The following STX8 variants were observed in gnomAD, a reference collection of about 807,000 sequenced individuals.
The protein encoded by STX8 is syntaxin 8, also known as syntaxin-8.
STX8 carries 23 observed loss-of-function variants against 37.5 expected under a neutral mutation model. That is an observed-to-expected ratio of 0.61 (90% CI 0.44 to 0.87). STX8 has a LOEUF of 0.87. Among genes scored for constraint, STX8 ranks in the 40% least tolerant of loss-of-function variants. The probability of loss-of-function intolerance (pLI) is 0.00; values close to 1 mark genes in which losing one functional copy is unlikely to be tolerated. For missense variants in STX8, 313 were observed against 284.7 expected (o/e 1.10, Z -0.71); for synonymous variants, 115 against 99.1 (o/e 1.16, Z -0.95).
intron 6 of STX8, among the ~76,000 whole-genome samples, chr17:9,468,544 CA>C (rs1442927719): frequency 1.3e-5 from 2 of 152,346 alleles, no homozygotes; most frequent in African/African-American, 2.4e-5. Context: ...CCATACCTAA[CA>C]ATTTTCAAAT....
intron 6 of STX8, among the ~76,000 whole-genome samples, chr17:9,404,646 G>T (rs1332240001): frequency 1.3e-5 from 2 of 152,048 alleles, no homozygotes; most frequent in Non-Finnish European, 2.9e-5. Flanking sequence ...GCAGAGATGG[G>T]GTTTCACCAT....
At chr17:9,285,992 T>C (rs1276402119) in intron 7 of STX8, among the ~76,000 whole-genome samples, 2 of 151,994 alleles carry the variant, frequency 1.3e-5, no homozygotes, top group Admixed American at 1.3e-4. Context: ...AATAACTATA[T>C]GGAGCGCTTT....
At chr17:9,501,196 T>C (rs898722121) in intron 5 of STX8, among the ~76,000 whole-genome samples, 7 of 152,168 alleles carry the variant, frequency 4.6e-5, no homozygotes, top group African/African-American at 1.7e-4. Flanking sequence ...AAGCTTTCTT[T>C]TGTAAAATTA....
chr17:9,275,801 G>A (rs1907654690), intron 7 of STX8, among the ~76,000 whole-genome samples: 1 of 151,920 alleles, frequency 6.6e-6, no homozygotes, highest in Non-Finnish European at 1.5e-5. Flanking sequence ...CCGGGAAGCA[G>A]AGGATGTAGT....
chr17:9,510,330 C>T (rs1048189267), intron 4 of STX8, among the ~76,000 whole-genome samples: 1 of 152,152 alleles, frequency 6.6e-6, no homozygotes, highest in African/African-American at 2.4e-5. Context: ...ACAGAATATA[C>T]ATTCTTGTCA....
At chr17:9,374,641 G>A (rs563586873) in intron 7 of STX8, among the ~76,000 whole-genome samples, 4 of 152,008 alleles carry the variant, frequency 2.6e-5, no homozygotes, top group African/African-American at 9.7e-5. Flanking sequence ...TCCTGTAAAG[G>A]TATCAGGCAT....
intron 7 of STX8, among the ~76,000 whole-genome samples, chr17:9,278,801 G>A (rs1182710720): frequency 1.3e-5 from 2 of 152,050 alleles, no homozygotes; most frequent in East Asian, 1.9e-4. Flanking sequence ...CGGGCAGGGT[G>A]GGTGCAGGGG....
At chr17:9,486,902 C>T (rs1657401489) in intron 6 of STX8, among the ~76,000 whole-genome samples, 1 of 152,062 alleles carries the variant, frequency 6.6e-6, no homozygotes, top group African/African-American at 2.4e-5. Flanking sequence ...GTCATGAGCC[C>T]TTTGTGCCCT....
intron 5 of STX8, among the ~76,000 whole-genome samples, chr17:9,495,731 C>A (rs1215453987): frequency 1.3e-5 from 2 of 152,200 alleles, no homozygotes; most frequent in Non-Finnish European, 2.9e-5. Flanking sequence ...AATCCAAAGA[C>A]ACAGAAGATT....
At chr17:9,427,574 A>C (rs1449501716) in intron 6 of STX8, among the ~76,000 whole-genome samples, 2 of 152,216 alleles carry the variant, frequency 1.3e-5, no homozygotes, top group African/African-American at 2.4e-5. Flanking sequence ...CAAAAGAATA[A>C]TTAATACCTA....
chr17:9,496,512 C>A (rs1904413279), intron 5 of STX8, among the ~76,000 whole-genome samples: 1 of 152,164 alleles, frequency 6.6e-6, no homozygotes, highest in African/African-American at 2.4e-5. Flanking sequence ...AGTCATTATT[C>A]TATTTTACAA....
At chr17:9,434,179 A>G (rs1904342558) in intron 6 of STX8, among the ~76,000 whole-genome samples, 1 of 151,904 alleles carries the variant, frequency 6.6e-6, no homozygotes, top group East Asian at 1.9e-4. Context: ...AATTTTTTGT[A>G]TTTTTAGTAC....
intron 7 of STX8, among the ~76,000 whole-genome samples, chr17:9,299,439 CTTTTTT>C (rs34149994): frequency 3.2e-5 from 3 of 93,040 alleles, no homozygotes; most frequent in African/African-American, 4.2e-5. Flanking sequence ...CATTCTTACG[CTTTTTT>C]TTTTTTTTTT....
At chr17:9,328,581 C>T (rs11657520) in intron 7 of STX8, among the ~76,000 whole-genome samples, 150,853 of 152,322 alleles carry the variant, frequency 0.99, 74,719 homozygotes, top group Middle Eastern at 1. Context: ...GACTTGATCA[C>T]GGGTGACAAA....
chr17:9,452,305 A>G (rs538000373), intron 6 of STX8: 2 of 152,238 alleles, frequency 1.3e-5, no homozygotes, highest in South Asian at 2.1e-4. Context: ...GAAAATTGAC[A>G]TCGGAGAAAG....
intron 7 of STX8, among the ~76,000 whole-genome samples, chr17:9,373,688 C>G (rs970162166): frequency 1.3e-5 from 2 of 152,058 alleles, no homozygotes; most frequent in South Asian, 4.1e-4. Flanking sequence ...ACCTGTAATC[C>G]AAGCACTTTG....
chr17:9,505,704 G>T (rs1904797323), intron 4 of STX8, among the ~76,000 whole-genome samples: 1 of 152,140 alleles, frequency 6.6e-6, no homozygotes, highest in African/African-American at 2.4e-5. Context: ...CCTCTGGGAG[G>T]CTGAGGCGGG....
intron 7 of STX8, among the ~76,000 whole-genome samples, chr17:9,316,892 C>A (rs1339688736): frequency 6.6e-6 from 1 of 152,174 alleles, no homozygotes; most frequent in East Asian, 1.9e-4. Flanking sequence ...TACAGGACAT[C>A]TAATTGGTAT....
chr17:9,383,473 C>T (rs991290086), intron 6 of STX8, among the ~76,000 whole-genome samples: 9 of 152,222 alleles, frequency 5.9e-5, no homozygotes, highest in Non-Finnish European at 1.2e-4. Flanking sequence ...GGAACTTCTT[C>T]AGCCTGAGGA....
Sources: allele counts gnomAD v4.1 joint callset (sites outside exome capture counted in the v4.1 genomes callset), GRCh38; gene constraint gnomAD v4.1.1; transcripts MANE v1.5; gene names NCBI Gene and HGNC (gene_info 2026-07-23, HGNC 2026-07-21).